Variants in NBAS observed in about 807,000 individuals in gnomAD.
NBAS encodes the protein NBAS subunit of NRZ tethering complex.
NBAS carries 219 observed loss-of-function variants against 302.5 expected under a neutral mutation model. That is an observed-to-expected ratio of 0.72 (90% CI 0.65 to 0.81). The LOEUF is 0.81. Among genes scored for constraint, NBAS ranks in the 30% least tolerant of loss-of-function variants. NBAS has a pLI of 0.00. For synonymous variants in NBAS, 1,118 were observed against 1,021.6 expected, an observed-to-expected ratio of 1.09 and a Z score of -1.80; for missense variants, 2,932 against 2,841.6, an observed-to-expected ratio of 1.03 and a Z score of -0.72.
chr2:15,198,012 T>C (rs1665698625), intron 48 of NBAS, among the ~76,000 whole-genome samples: 1 of 152,222 alleles, frequency 6.6e-6, no homozygotes, highest in Admixed American at 6.5e-5. Flanking sequence ...TCTGGACAAA[T>C]CAGTTGTCTT....
At chr2:15,008,275 G>T in the NBAS span, among the ~76,000 whole-genome samples, 1 of 152,178 alleles carries the variant, frequency 6.6e-6, no homozygotes, top group Non-Finnish European at 1.5e-5. Flanking sequence ...GCTAAGTTCT[G>T]TCTCTCCAGA....
the NBAS span, among the ~76,000 whole-genome samples, chr2:14,867,730 T>A: frequency 1.3e-5 from 2 of 152,248 alleles, no homozygotes; most frequent in Non-Finnish European, 2.9e-5. Flanking sequence ...TTTTTGCTTG[T>A]CTTTTGTTGT....
At chr2:15,240,517 T>C (rs1294107681) in intron 44 of NBAS, among the ~76,000 whole-genome samples, 1 of 150,876 alleles carries the variant, frequency 6.6e-6, no homozygotes, top group Non-Finnish European at 1.5e-5. Flanking sequence ...CTCAGGAGGC[T>C]GCGGCAGGAG....
rs530636810 is a variant in NBAS, at chr2:15,414,599, C to T, written c.2937+947G>A. Among the ~76,000 whole-genome samples, 4 of 152,268 alleles carry T rather than the reference C, an allele frequency of 2.6e-5. No homozygotes were observed. The East Asian group carries it at 7.7e-4, about 29-fold the overall frequency. ...CAATCATTTGTACCCTTTAGAAATA[C>T]AAAGCTATACATATAGTAATTGTAA... On this transcript the variant is annotated intron_variant, in intron 25 of 51. Coordinates refer to ENST00000281513, the MANE Select transcript of NBAS (RefSeq NM_015909.4).
the NBAS span, among the ~76,000 whole-genome samples, chr2:14,960,778 C>T: frequency 1.3e-5 from 2 of 152,140 alleles, no homozygotes; most frequent in Admixed American, 6.6e-5. Context: ...CCACTTTGTG[C>T]CAAATGTCTT....
Position 15,264,470 on chromosome 2 carries a change from A to G in NBAS, c.5724+11014T>C, listed in dbSNP as rs142771761. Among the ~76,000 whole-genome samples the G allele has an allele frequency of 1.9e-3, 288 of 152,206 alleles. 3 individuals carry two copies. The highest frequency in any genetic ancestry group is 6.6e-3 in the African/African-American group (274 of 41,536). ...TACATGGTCCTTTGGCCAATTTTCA[A>G]TCTCTCCTACTAAATGATTACCTTC... On this transcript the variant is annotated intron_variant, in intron 44 of 51. Transcript: ENST00000281513.
At chr2:15,300,254 C>A (rs1380881190) in intron 40 of NBAS, among the ~76,000 whole-genome samples, 2 of 152,204 alleles carry the variant, frequency 1.3e-5, no homozygotes, top group African/African-American at 4.8e-5. Context: ...TGTGAAAAGA[C>A]TGTGGAATTA....
intron 21 of NBAS, among the ~76,000 whole-genome samples, chr2:15,445,824 A>T (rs6727145): frequency 0.12 from 18,213 of 151,874 alleles, 1,810 homozygotes; most frequent in African/African-American, 0.27. Context: ...ACAGATCAAG[A>T]AACACCAATG....
the NBAS span, among the ~76,000 whole-genome samples, chr2:15,143,960 C>T: frequency 8.0e-5 from 12 of 150,132 alleles, no homozygotes; most frequent in African/African-American, 3.0e-4. Flanking sequence ...GACGGGCTCT[C>T]CTTGCTCCTC....
chr2:15,196,356 T>C (rs1469567974), intron 48 of NBAS, among the ~76,000 whole-genome samples: 2 of 152,160 alleles, frequency 1.3e-5, no homozygotes, highest in Non-Finnish European at 2.9e-5. Context: ...AACCAGCAAA[T>C]TGTATCCATG....
chr2:15,384,012 T>C (rs997105037), intron 28 of NBAS, among the ~76,000 whole-genome samples: 1 of 152,122 alleles, frequency 6.6e-6, no homozygotes, highest in Non-Finnish European at 1.5e-5. Context: ...CCTAAAACAG[T>C]CAACATCTCT....
the NBAS span, among the ~76,000 whole-genome samples, chr2:15,047,554 A>AAAGGCTGGGCCTGTGCAAGTG: frequency 0.35 from 52,562 of 149,042 alleles, 9,154 homozygotes; most frequent in South Asian, 0.42. Context: ...CCATGCAGGT[A>AAAGGCTGGGCCTGTGCAAGTG]AAGGCTGGGC....
the NBAS span, among the ~76,000 whole-genome samples, chr2:15,127,864 C>CA: frequency 0.32 from 48,572 of 151,980 alleles, 7,936 homozygotes; most frequent in South Asian, 0.37. Context: ...CACCTGAGCC[C>CA]CTGACCCCCA....
Position 15,218,966 on chromosome 2 carries a change from T to C in NBAS, c.6239A>G (p.Glu2080Gly). ...AAVHASVDKG[E>G]ELVSPEDLLE... is the part of the protein sequence containing the mutation. ...CAGGTCCTCAGGTGAAACCAGCTCC[T>C]CACTGCAGGGCAAAATCCAGAGGTA... Residue 2080 changes from glutamate to glycine, a missense_variant and splice_region_variant, in exon 48 of 52, where the codon GAG becomes GGG. Coordinates refer to ENST00000281513, the MANE Select transcript of NBAS (RefSeq NM_015909.4). 6.2e-7 allele frequency: 1 copy of C among 1,614,230 alleles called. No homozygotes were observed. The highest frequency in any genetic ancestry group is 8.5e-7 in the Non-Finnish European group (1 of 1,180,026).
intron 44 of NBAS, among the ~76,000 whole-genome samples, chr2:15,262,085 G>C (rs1463895902): frequency 6.6e-6 from 1 of 152,214 alleles, no homozygotes; most frequent in East Asian, 1.9e-4. Context: ...CCATACCAGG[G>C]GCCACAGGGT....
chr2:15,254,554 T>TA (rs1293622208), intron 44 of NBAS, among the ~76,000 whole-genome samples: 1 of 152,136 alleles, frequency 6.6e-6, no homozygotes, highest in Non-Finnish European at 1.5e-5. Flanking sequence ...AAGTTATTTT[T>TA]AAAAAAATTC....
chr2:14,909,926 A>T, the NBAS span, among the ~76,000 whole-genome samples: 12 of 152,300 alleles, frequency 7.9e-5, no homozygotes, highest in East Asian at 2.3e-3. Context: ...TCCAAAATTG[A>T]TGCTCTTGGG....
chr2:15,398,142 TGTTTG>T (rs149363510), intron 26 of NBAS, among the ~76,000 whole-genome samples: 1 of 27,128 alleles, frequency 3.7e-5, no homozygotes. Context: ...TGTTTTGTTT[TGTTTG>T]GTTTGGTTTT....
the NBAS span, among the ~76,000 whole-genome samples, chr2:14,909,837 C>A: frequency 2.6e-5 from 4 of 152,334 alleles, no homozygotes; most frequent in African/African-American, 9.6e-5. Context: ...ACATGTCCAG[C>A]AGCAGCTGTG....
Sources: gnomAD v4.1 joint callset for allele counts (sites outside exome capture counted in the v4.1 genomes callset) on GRCh38, gnomAD v4.1.1 for gene constraint, MANE v1.5 for transcripts, NCBI Gene and HGNC (gene_info 2026-07-23, HGNC 2026-07-21) for gene names.